INTS10: variants seen among roughly 807,000 people sequenced by gnomAD.
INTS10 encodes integrator complex subunit 10.
INTS10 carries 44 observed loss-of-function variants against 94.4 expected under a neutral mutation model. The ratio of observed to expected loss-of-function variants is 0.47; its 90% CI spans 0.37 to 0.60. The LOEUF (loss-of-function observed/expected upper bound fraction) is 0.60, where lower values mean the gene tolerates loss of function less well. INTS10 is among the 20% of genes least tolerant of loss of function. The pLI, the probability that INTS10 is intolerant of heterozygous loss-of-function variation, is 0.00. For missense variants in INTS10, 797 were observed against 868.7 expected, an observed-to-expected ratio of 0.92 and a Z score of 1.04; for synonymous variants, 341 against 320.7, an observed-to-expected ratio of 1.06 and a Z score of -0.68.
At position 19,844,142 on chromosome 8, in the gene INTS10, G is replaced by C; in HGVS notation, c.1786G>C (p.Glu596Gln). The change falls in exon 15 of 17, where the codon GAG (glutamate) becomes CAG (glutamine). Residue 596 changes from glutamate (E) to glutamine (Q), a missense_variant. Transcript: ENST00000397977. ...LGHVIVLLQQEWPRGENLFLK... is the reference protein window; with the variant it reads ...LGHVIVLLQQQWPRGENLFLK... ...GCATGTGATTGTGTTGCTTCAGCAA[G>C]AGTGGCCACGGGGCGAGAATCTTTT... is the stretch of plus-strand genomic sequence containing the variant. 1.2e-6 allele frequency: 2 copies of C among 1,614,036 alleles called. No individual in the cohort carries two copies. Among genetic ancestry groups the C allele is most frequent in the Non-Finnish European group, 1.7e-6 (2 of 1,179,886 alleles).
intron 8 of INTS10, among the ~76,000 whole-genome samples, chr8:19,825,451 G>A (rs560224102): frequency 8.6e-5 from 13 of 151,988 alleles, no homozygotes; most frequent in East Asian, 3.9e-4. Flanking sequence ...GCCTGAACCC[G>A]GGAGGCAGAG....
chr8:19,817,647 C>T lies in INTS10; in HGVS notation c.110C>T (p.Pro37Leu). Reference protein sequence around the residue: ...AWLITARSLYPADFNIQYEMY... With the variant: ...AWLITARSLYLADFNIQYEMY... ...CTGATCACGGCCCGCAGCCTCTACC[C>T]GGCAGACTTTAACATCCAGGTGAGG... The change falls in exon 1 of 17, where the codon CCG becomes CTG. Residue 37 changes from proline to leucine, a missense_variant. Transcript: ENST00000397977. 4.4e-6 allele frequency: 7 copies of T among 1,607,300 alleles called. No individual in the cohort carries two copies. Among genetic ancestry groups the T allele is most frequent in the Non-Finnish European group, 5.9e-6 (7 of 1,177,532 alleles).
chr8:19,822,642 T>TC (rs1209469418), intron 5 of INTS10, 122 bp downstream of exon 5: 1 of 602,412 alleles, frequency 1.7e-6, no homozygotes, highest in East Asian at 3.0e-5. Context: ...GCATTTAAGT[T>TC]CTTTTTTTTT....
chr8:19,824,108 C>T, intron 7 of INTS10, 64 bp downstream of exon 7: 1 of 1,390,908 alleles, frequency 7.2e-7, no homozygotes, highest in Non-Finnish European at 9.8e-7. Context: ...AAAACAAAAT[C>T]ATGCTTTTTA....
chr8:19,839,084 A>G (rs2067911481), intron 13 of INTS10, among the ~76,000 whole-genome samples: 1 of 151,978 alleles, frequency 6.6e-6, no homozygotes, highest in South Asian at 2.1e-4. Context: ...AAAAAAAACC[A>G]AACAAACAAA....
intron 13 of INTS10, among the ~76,000 whole-genome samples, chr8:19,838,397 G>A (rs575560145): frequency 3.9e-4 from 59 of 152,042 alleles, no homozygotes; most frequent in African/African-American, 1.3e-3. Flanking sequence ...AAGAAAGAAA[G>A]AAAATAAATA....
At chr8:19,827,214 G>A (rs2066869597) in intron 9 of INTS10, among the ~76,000 whole-genome samples, 1 of 152,086 alleles carries the variant, frequency 6.6e-6, no homozygotes, top group South Asian at 2.1e-4. Flanking sequence ...GCCCGTCCCT[G>A]CCTCCCAGCC....
chr8:19,845,653 A>C, intron 15 of INTS10, 51 bp from the exon 16 acceptor site: 1 of 1,355,890 alleles, frequency 7.4e-7, no homozygotes, highest in Non-Finnish European at 1.1e-6. Context: ...TCCTCATCAG[A>C]GAAAACTAGC....
At chr8:19,819,144 T>A (rs1347041212) in intron 2 of INTS10, among the ~76,000 whole-genome samples, 1 of 152,212 alleles carries the variant, frequency 6.6e-6, no homozygotes, top group Non-Finnish European at 1.5e-5. Context: ...TAGTCTCTTT[T>A]TAGTTCTTGT....
intron 15 of INTS10, among the ~76,000 whole-genome samples, chr8:19,844,724 G>C (rs1179636119): frequency 6.6e-6 from 1 of 152,134 alleles, no homozygotes; most frequent in Non-Finnish European, 1.5e-5. Flanking sequence ...AGCTGCTTCT[G>C]ACATTAGGTA....
intron 13 of INTS10, among the ~76,000 whole-genome samples, chr8:19,840,994 A>G (rs73206580): frequency 0.049 from 7,453 of 152,240 alleles, 237 homozygotes; most frequent in Non-Finnish European, 0.064. Flanking sequence ...GGTGGATAGG[A>G]CTGACCTAGC....
intron 16 of INTS10, among the ~76,000 whole-genome samples, chr8:19,847,444 T>C (rs2068670460): frequency 6.6e-6 from 1 of 152,200 alleles, no homozygotes; most frequent in African/African-American, 2.4e-5. Context: ...GTAACCCCTT[T>C]TGTATTGTGA....
At position 19,849,156 on chromosome 8, in the gene INTS10, T is replaced by C; in HGVS notation, c.1977-2493T>C. The C allele has an allele frequency of 7.8e-7, 1 of 1,287,662 alleles. No homozygotes were observed. The highest frequency in any genetic ancestry group is 2.3e-5 in the Admixed American group (1 of 43,560). The allele number at this position is 1,287,662 out of a possible 1,614,324, so 79.8% of individuals were successfully genotyped here. A position where few individuals can be genotyped will look rare whatever the true frequency, so the allele number is the denominator to read the frequency against. ...TTTGAATGCTGCTGTTTGCTGTTTT[T>C]TAAAGGCCTTCTAGCCCTCCCATGG... On this transcript the variant is annotated intron_variant, in intron 16 of 16. Transcript: ENST00000397977. This position sits in a 1 kb window ranked among gnomAD's most constrained non-coding sequence, Gnocchi z 4.6.
chr8:19,849,052 TTC>T lies in INTS10; in HGVS notation c.1977-2595_1977-2594del, dbSNP rs1451583529. 2 of 431,738 alleles carry T rather than the reference TTC, an allele frequency of 4.6e-6. No individual in the cohort carries two copies. Among genetic ancestry groups the T allele is most frequent in the Non-Finnish European group, 4.4e-6 (1 of 227,440 alleles). The allele number at this position is 431,738 out of a possible 1,614,324, so 26.7% of individuals were successfully genotyped here. On this transcript the variant is annotated intron_variant, in intron 16 of 16. Coordinates refer to ENST00000397977, the MANE Select transcript of INTS10 (RefSeq NM_018142.4). The surrounding 1 kb of genome is among the most constrained non-coding windows in gnomAD (Gnocchi z 4.6). ...CAGGGGCTTGTTGAGGTTAATGAGT[TTC>T]TGTTTAGTCTGCTTCTAGTCTTGTG... is the stretch of plus-strand genomic sequence containing the variant.
At chr8:19,823,784 T>A in intron 6 of INTS10, 89 bp from the exon 7 acceptor site, 1 of 1,193,986 alleles carries the variant, frequency 8.4e-7, no homozygotes, top group Non-Finnish European at 1.2e-6. Flanking sequence ...TCTGTGCATT[T>A]TCATGGGGAG....
chr8:19,830,261 A>C (rs1350936899), intron 9 of INTS10, 145 bp from the exon 10 acceptor site: 1 of 556,166 alleles, frequency 1.8e-6, no homozygotes, highest in African/African-American at 1.9e-5. Flanking sequence ...TCAAAGCTAA[A>C]TTGTTAAATT....
In INTS10 at chr8:19,826,525, A is replaced by G; in HGVS notation, c.1106A>G (p.Lys369Arg). The change falls in exon 9 of 17, where the codon AAG becomes AGG. Residue 369 changes from lysine (K) to arginine (R), a missense_variant. Physicochemically the swap from Lys to Arg is conservative, Grantham distance 26. Transcript: ENST00000397977. Reference protein sequence around the residue: ...EIDRNKHIHKKRKLAEGREKT... With the variant: ...EIDRNKHIHKRRKLAEGREKT... ...GATCGTAATAAACACATCCATAAAAAGAGGAAACTAGCTGAAGGAAGAGAA... is the reference window on the plus strand; with the variant it reads ...GATCGTAATAAACACATCCATAAAAGGAGGAAACTAGCTGAAGGAAGAGAA... The G allele has an allele frequency of 6.2e-7, 1 of 1,612,980 alleles. No individual in the cohort carries two copies. Among genetic ancestry groups the G allele is most frequent in the African/African-American group, 1.3e-5 (1 of 74,954 alleles).
chr8:19,833,417 T>C (rs2067400822), intron 12 of INTS10, 96 bp downstream of exon 12: 1 of 824,508 alleles, frequency 1.2e-6, no homozygotes, highest in African/African-American at 1.8e-5. Context: ...TGCACGTTTA[T>C]TTCAATTTGA....
intron 9 of INTS10, among the ~76,000 whole-genome samples, chr8:19,827,234 T>G (rs10113140): frequency 0.74 from 112,221 of 152,006 alleles, 41,597 homozygotes; most frequent in Non-Finnish European, 0.79. Flanking sequence ...CTCTGCCCGT[T>G]GAAGCTGTGC....
Sources: allele counts gnomAD v4.1 joint callset (sites outside exome capture counted in the v4.1 genomes callset), GRCh38; gene constraint gnomAD v4.1.1; non-coding constraint Gnocchi (gnomAD v3.1); transcripts MANE v1.5; gene names NCBI Gene and HGNC (gene_info 2026-07-23, HGNC 2026-07-21).